The following ASB5 variants were observed in gnomAD, a reference collection of about 807,000 sequenced individuals.
The protein encoded by ASB5 is ankyrin repeat and SOCS box containing 5.
Under a neutral mutation model 42.1 loss-of-function variants are expected in ASB5, and 45 were observed. The observed-to-expected ratio is 1.07, with a 90% CI of 0.84 to 1.37. ASB5 has a LOEUF of 1.37. Ranked by LOEUF, ASB5 falls within the 40% of genes most tolerant of loss-of-function variation. The probability of loss-of-function intolerance (pLI) is 0.00; values close to 1 mark genes in which losing one functional copy is unlikely to be tolerated. For synonymous variants in ASB5, 147 were observed against 150.6 expected (o/e 0.98, Z 0.18); for missense variants, 402 against 399.8 (o/e 1.01, Z -0.05).
chr4:176,256,459 C>T (rs1424493472), intron 1 of ASB5, among the ~76,000 whole-genome samples: 4 of 152,050 alleles, frequency 2.6e-5, no homozygotes, highest in Non-Finnish European at 4.4e-5. Context: ...GTTTTAGGAT[C>T]GATACTTTCT....
chr4:176,224,294 G>C (rs1561253840), intron 2 of ASB5, among the ~76,000 whole-genome samples: 2 of 134,126 alleles, frequency 1.5e-5, no homozygotes, highest in African/African-American at 5.3e-5. Context: ...GAGTGCAATG[G>C]CGTGAACTTG....
intron 1 of ASB5, among the ~76,000 whole-genome samples, chr4:176,249,794 G>A (rs946775660): frequency 1.3e-5 from 2 of 152,066 alleles, no homozygotes; most frequent in Non-Finnish European, 2.9e-5. Flanking sequence ...GGCCGGGCGC[G>A]GTGGCTCACG....
chr4:176,241,625 C>T, intron 1 of ASB5: 1 of 1,396,824 alleles, frequency 7.2e-7, no homozygotes. Context: ...ATTTTTTATT[C>T]TACTTTACTT....
upstream of ASB5, among the ~76,000 whole-genome samples, chr4:176,270,088 T>C (rs1056185987): frequency 2.0e-5 from 3 of 152,232 alleles, no homozygotes; most frequent in African/African-American, 7.2e-5. Flanking sequence ...AGGCAACTTA[T>C]ATTTTAAAAG....
chr4:176,276,351 A>T (rs992464810), intron 1 of ASB5, among the ~76,000 whole-genome samples: 26 of 152,206 alleles, frequency 1.7e-4, no homozygotes, highest in Non-Finnish European at 4.4e-5. Flanking sequence ...TCCAACTTCC[A>T]ATAGTACCAT....
At chr4:176,265,256 A>T (rs577805253) in intron 1 of ASB5, among the ~76,000 whole-genome samples, 4 of 152,258 alleles carry the variant, frequency 2.6e-5, no homozygotes, top group African/African-American at 9.6e-5. Flanking sequence ...CCAACAGTCC[A>T]TGTGCACCCA....
intron 1 of ASB5, among the ~76,000 whole-genome samples, chr4:176,262,110 A>G (rs1466234492): frequency 1.3e-5 from 2 of 152,162 alleles, no homozygotes; most frequent in Non-Finnish European, 2.9e-5. Context: ...TATTTTAATA[A>G]TTCACTGTCT....
At chr4:176,257,137 G>T (rs573443204) in intron 1 of ASB5, among the ~76,000 whole-genome samples, 1 of 152,288 alleles carries the variant, frequency 6.6e-6, no homozygotes, top group African/African-American at 2.4e-5. Flanking sequence ...GGCAAAGGAC[G>T]TTACTATCTG....
intron 3 of ASB5, among the ~76,000 whole-genome samples, chr4:176,222,022 G>A (rs1753228136): frequency 6.6e-6 from 1 of 152,092 alleles, no homozygotes; most frequent in African/African-American, 2.4e-5. Flanking sequence ...TCCAAAAGAT[G>A]GGCAAACGTT....
At chr4:176,217,697 C>G (rs748885276) in intron 5 of ASB5, among the ~76,000 whole-genome samples, 5 of 152,060 alleles carry the variant, frequency 3.3e-5, no homozygotes, top group Non-Finnish European at 5.9e-5. Context: ...CTTACTTTAT[C>G]CCAGTGCAAA....
intron 1 of ASB5, among the ~76,000 whole-genome samples, chr4:176,228,405 A>G (rs1753436529): frequency 6.6e-6 from 1 of 152,224 alleles, no homozygotes; most frequent in South Asian, 2.1e-4. Flanking sequence ...AGTTTCTTGC[A>G]TGGGTGTTTA....
intron 5 of ASB5, among the ~76,000 whole-genome samples, chr4:176,219,039 G>T (rs1753083435): frequency 3.5e-5 from 1 of 28,534 alleles, no homozygotes; most frequent in African/African-American, 1.9e-4. Flanking sequence ...ATATTTGTAT[G>T]ATATATAAAT....
intron 1 of ASB5, among the ~76,000 whole-genome samples, chr4:176,248,548 C>T (rs922069782): frequency 6.6e-6 from 1 of 152,070 alleles, no homozygotes; most frequent in Admixed American, 6.6e-5. Context: ...TACACAGGCC[C>T]TATGACCTGG....
chr4:176,268,880 A>G, intron 1 of ASB5, 33 bp downstream of exon 1: 1 of 1,482,746 alleles, frequency 6.7e-7, no homozygotes, highest in Non-Finnish European at 9.0e-7. Context: ...GTTAAACTCC[A>G]CTTGAAACAA....
At chr4:176,268,849 G>A (rs1754412758) in intron 1 of ASB5, 64 bp downstream of exon 1, 1 of 1,315,676 alleles carries the variant, frequency 7.6e-7, no homozygotes, top group Non-Finnish European at 1.0e-6. Flanking sequence ...AAGAAAACAT[G>A]TAATTGTGGA....
chr4:176,250,591 A>G (rs1282017622), intron 1 of ASB5, among the ~76,000 whole-genome samples: 2 of 152,212 alleles, frequency 1.3e-5, no homozygotes, highest in Non-Finnish European at 2.9e-5. Flanking sequence ...CATTTTGCAG[A>G]TAAAGAAACA....
At chr4:176,222,882 A>C (rs963219876) in intron 2 of ASB5, among the ~76,000 whole-genome samples, 2 of 152,010 alleles carry the variant, frequency 1.3e-5, no homozygotes, top group Non-Finnish European at 2.9e-5. Flanking sequence ...GGTTCATGCC[A>C]TTCTCCTGCC....
chr4:176,231,225 ATT>A (rs35699083), intron 1 of ASB5, among the ~76,000 whole-genome samples: 44,265 of 149,604 alleles, frequency 0.3, 6,789 homozygotes, highest in East Asian at 0.45. Flanking sequence ...CCGACTCATA[ATT>A]TTTTTTTTTT....
At chr4:176,248,600 T>C (rs1560816333) in intron 1 of ASB5, among the ~76,000 whole-genome samples, 2 of 152,248 alleles carry the variant, frequency 1.3e-5, no homozygotes, top group Admixed American at 1.3e-4. Flanking sequence ...TTATACTAGA[T>C]GTTTATAGAA....
Sources: allele counts gnomAD v4.1 joint callset (sites outside exome capture counted in the v4.1 genomes callset), GRCh38; gene constraint gnomAD v4.1.1; transcripts MANE v1.5; gene names NCBI Gene and HGNC (gene_info 2026-07-23, HGNC 2026-07-21).